The following ESRRG variants were observed in gnomAD, a reference collection of about 807,000 sequenced individuals.
ESRRG encodes estrogen-related receptor gamma.
Under a neutral mutation model 44.0 loss-of-function variants are expected in ESRRG, and 13 were observed. The observed-to-expected ratio is 0.30, with a 90% CI of 0.19 to 0.47. ESRRG has a LOEUF of 0.47. Among genes scored for constraint, ESRRG ranks in the 20% least tolerant of loss-of-function variants. The pLI, the probability that ESRRG is intolerant of heterozygous loss-of-function variation, is 1.00. For missense variants in ESRRG, 395 were observed against 580.6 expected, an observed-to-expected ratio of 0.68 and a Z score of 3.29; for synonymous variants, 215 against 214.6, an observed-to-expected ratio of 1.00 and a Z score of -0.02.
At chr1:217,097,510 G>A (rs558528305) in intron 1 of ESRRG, among the ~76,000 whole-genome samples, 8 of 152,254 alleles carry the variant, frequency 5.3e-5, no homozygotes, top group African/African-American at 1.4e-4. Context: ...AATGACAGCA[G>A]GAGAAGCCAC....
Position 216,769,285 on chromosome 1 carries a change from G to C in ESRRG, c.-13-91794C>G, listed in dbSNP as rs189433637. Reference sequence around the variant, plus strand: ...AGACCAGCTGCAAACAGAGTGATCAGGGATTGCTTCCCAGGGGTGTTCTAT... The same window carrying C: ...AGACCAGCTGCAAACAGAGTGATCACGGATTGCTTCCCAGGGGTGTTCTAT... On this transcript the variant is annotated intron_variant, in intron 2 of 7. Coordinates refer to the ESRRG transcript ENST00000359162. 2.0e-4 allele frequency among the ~76,000 whole-genome samples: 31 copies of C among 152,272 alleles called. No individual in the cohort carries two copies. In the East Asian group the frequency reaches 4.8e-3, roughly 24 times the overall value.
intron 2 of ESRRG, among the ~76,000 whole-genome samples, chr1:216,939,343 CAAAAAAAAAAAA>C (rs201260010): frequency 0.013 from 654 of 50,106 alleles, 10 homozygotes; most frequent in African/African-American, 0.034. Context: ...TACACATAGA[CAAAAAAAAAAAA>C]AAAAAAAAAA....
intron 5 of ESRRG, among the ~76,000 whole-genome samples, chr1:216,557,281 G>A (rs1558475252): frequency 6.6e-6 from 1 of 151,996 alleles, no homozygotes; most frequent in Non-Finnish European, 1.5e-5. Flanking sequence ...GTATAGATAA[G>A]ATTTATTGAT....
chr1:216,599,398 G>A (rs1159685038), intron 3 of ESRRG, among the ~76,000 whole-genome samples: 1 of 151,938 alleles, frequency 6.6e-6, no homozygotes, highest in Admixed American at 6.6e-5. Flanking sequence ...TAATTAATGG[G>A]GTGTTTATTA....
chr1:216,570,218 T>C (rs1190812337), intron 3 of ESRRG, among the ~76,000 whole-genome samples: 4 of 152,260 alleles, frequency 2.6e-5, no homozygotes, highest in South Asian at 4.1e-4. Context: ...GGAGACAACT[T>C]TGAGAAAAGT....
chr1:216,905,036 AG>A (rs1041232903), intron 2 of ESRRG, among the ~76,000 whole-genome samples: 3 of 152,182 alleles, frequency 2.0e-5, no homozygotes, highest in African/African-American at 4.8e-5. Flanking sequence ...AATCCAATAT[AG>A]GCTGAATTTT....
intron 3 of ESRRG, among the ~76,000 whole-genome samples, chr1:216,576,470 C>T (rs903910400): frequency 6.6e-6 from 1 of 151,888 alleles, no homozygotes; most frequent in African/African-American, 2.4e-5. Context: ...CTCCTGATAG[C>T]TATCTGGACT....
intron 2 of ESRRG, among the ~76,000 whole-genome samples, chr1:216,845,146 T>C (rs1282657446): frequency 6.6e-6 from 1 of 152,176 alleles, no homozygotes; most frequent in Non-Finnish European, 1.5e-5. Context: ...TATGTTTGCA[T>C]ATGTTTAATG....
In ESRRG at chr1:216,821,356, G is replaced by C. The variant is rs932891970; in HGVS notation, c.-14+118226C>G. Among the ~76,000 whole-genome samples, 7 of 152,118 alleles carry C rather than the reference G, an allele frequency of 4.6e-5. No homozygotes were observed. In the South Asian group the frequency reaches 1.2e-3, roughly 27 times the overall value. On this transcript the variant is annotated intron_variant, in intron 2 of 7. Transcript: ENST00000359162. ...ATCCCACTGAACCATTTGAAATTGT[G>C]GGGGTTTATTTGTGGGGATCTTAAT...
intron 3 of ESRRG, among the ~76,000 whole-genome samples, chr1:216,647,687 A>G (rs2067939347): frequency 1.3e-5 from 2 of 152,198 alleles, no homozygotes; most frequent in South Asian, 4.1e-4. Flanking sequence ...TCAAAGTGAG[A>G]TGCCATAATT....
chr1:216,774,873 C>T (rs1363350659), intron 2 of ESRRG, among the ~76,000 whole-genome samples: 3 of 140,246 alleles, frequency 2.1e-5, no homozygotes, highest in African/African-American at 8.1e-5. Flanking sequence ...ACGAGCACAG[C>T]TCACTGAAGC....
chr1:216,854,376 A>G (rs2095889507), intron 2 of ESRRG, among the ~76,000 whole-genome samples: 5 of 141,428 alleles, frequency 3.5e-5, no homozygotes, highest in African/African-American at 1.1e-4. Context: ...AAAAAAAAAA[A>G]AAGCAAAGAA....
chr1:216,882,971 A>G (rs895322243), intron 2 of ESRRG, among the ~76,000 whole-genome samples: 1 of 152,066 alleles, frequency 6.6e-6, no homozygotes, highest in Non-Finnish European at 1.5e-5. Context: ...ATAAGTCTAT[A>G]TTGACCGAAA....
chr1:216,893,364 T>A (rs1360567454), intron 2 of ESRRG, among the ~76,000 whole-genome samples: 3 of 152,120 alleles, frequency 2.0e-5, no homozygotes, highest in African/African-American at 4.8e-5. Flanking sequence ...CCATTCTATA[T>A]CAGATAAGAC....
At chr1:216,964,908 C>T (rs1364335807) in intron 1 of ESRRG, among the ~76,000 whole-genome samples, 1 of 152,122 alleles carries the variant, frequency 6.6e-6, no homozygotes, top group East Asian at 1.9e-4. Context: ...TTCCCTAAAC[C>T]TCAAATACAG....
At chr1:216,681,880 C>T (rs150470392) in intron 1 of ESRRG, 6 of 152,232 alleles carry the variant, frequency 3.9e-5, no homozygotes, top group South Asian at 4.2e-4. Context: ...TAATTGTTTT[C>T]GGAGATTCTA....
intron 2 of ESRRG, among the ~76,000 whole-genome samples, chr1:216,781,545 C>T (rs1434100975): frequency 2.0e-5 from 3 of 152,024 alleles, no homozygotes; most frequent in Non-Finnish European, 2.9e-5. Context: ...ACTCCAATCG[C>T]TATACCAAAC....
chr1:217,119,457 G>A (rs777701558), intron 1 of ESRRG, among the ~76,000 whole-genome samples: 6 of 152,086 alleles, frequency 3.9e-5, no homozygotes, highest in Non-Finnish European at 7.4e-5. Context: ...CTGCCCTAAC[G>A]ACTGAATCCT....
At chr1:216,719,543 C>T (rs1418090828) in intron 1 of ESRRG, among the ~76,000 whole-genome samples, 2 of 151,584 alleles carry the variant, frequency 1.3e-5, no homozygotes, top group Non-Finnish European at 3.0e-5. Context: ...TTAAAAAGAA[C>T]AACAACAAAA....
Sources: gnomAD v4.1 joint callset for allele counts (sites outside exome capture counted in the v4.1 genomes callset) on GRCh38, gnomAD v4.1.1 for gene constraint, MANE v1.5 for transcripts, NCBI Gene and HGNC (gene_info 2026-07-23, HGNC 2026-07-21) for gene names.